CREB3L3: variants seen among roughly 807,000 people sequenced by gnomAD.
CREB3L3 encodes the protein cyclic AMP-responsive element-binding protein 3-like protein 3.
Under a neutral mutation model 44.6 loss-of-function variants are expected in CREB3L3, and 40 were observed. The observed-to-expected ratio is 0.90, with a 90% CI of 0.70 to 1.17. The LOEUF is 1.17. CREB3L3 is among the 50% of genes most tolerant of loss of function. The probability of loss-of-function intolerance (pLI) is 0.00; values close to 1 mark genes in which losing one functional copy is unlikely to be tolerated. For missense variants in CREB3L3, 578 were observed against 595.8 expected, an observed-to-expected ratio of 0.97 and a Z score of 0.31; for synonymous variants, 273 against 256.3, an observed-to-expected ratio of 1.06 and a Z score of -0.62.
intron 7 of CREB3L3, among the ~76,000 whole-genome samples, chr19:4,170,674 C>T (rs1967023749): frequency 1.3e-5 from 2 of 151,738 alleles, no homozygotes; most frequent in East Asian, 3.9e-4. Flanking sequence ...CTTTGGGAGG[C>T]TGAGGTGGGC....
intron 4 of CREB3L3, among the ~76,000 whole-genome samples, chr19:4,161,513 G>T (rs1403352585): frequency 6.6e-6 from 1 of 152,148 alleles, no homozygotes; most frequent in African/African-American, 2.4e-5. Context: ...TGATCCCTGG[G>T]ATGGTCTATT....
chr19:4,161,095 A>G (rs2041656650), intron 4 of CREB3L3, among the ~76,000 whole-genome samples: 1 of 151,804 alleles, frequency 6.6e-6, no homozygotes, highest in Non-Finnish European at 1.5e-5. Flanking sequence ...GTATCTTTTT[A>G]GTAGAGATGG....
intron 5 of CREB3L3, among the ~76,000 whole-genome samples, chr19:4,167,590 C>T (rs141887226): frequency 1.3e-4 from 20 of 151,624 alleles, no homozygotes; most frequent in African/African-American, 4.6e-4. Context: ...AAGAAAGAAA[C>T]GTAAGAAAGA....
At chr19:4,159,943 G>T (rs537755132) in intron 4 of CREB3L3, among the ~76,000 whole-genome samples, 161 bp downstream of exon 4, 1 of 152,098 alleles carries the variant, frequency 6.6e-6, no homozygotes, top group East Asian at 1.9e-4. Context: ...GCTCACTGTC[G>T]CCTGGGCTGG....
chr19:4,170,590 T>A (rs1404622517), intron 7 of CREB3L3, among the ~76,000 whole-genome samples: 1 of 145,052 alleles, frequency 6.9e-6, no homozygotes, highest in Non-Finnish European at 1.5e-5. Context: ...CCAGCCTGGG[T>A]GACAGAGCAA....
intron 7 of CREB3L3, 54 bp downstream of exon 7, chr19:4,170,262 T>G: frequency 1.3e-6 from 2 of 1,560,340 alleles, no homozygotes; most frequent in Middle Eastern, 1.7e-4. Flanking sequence ...CCAGAGTCCC[T>G]TTGCAGGAAG....
chr19:4,167,688 G>C (rs1966947505), intron 5 of CREB3L3, among the ~76,000 whole-genome samples: 1 of 152,110 alleles, frequency 6.6e-6, no homozygotes, highest in South Asian at 2.1e-4. Context: ...TGGTGGAGTG[G>C]TACCCATGCC....
rs2041537933 is a variant in CREB3L3, at chr19:4,153,724, C to T, written c.-24C>T. ...TTGGAGCAGAGACCCCCCGAGGCATCTGCAGACAGAACTGGATGGACCCAT... is the reference window on the plus strand; with the variant it reads ...TTGGAGCAGAGACCCCCCGAGGCATTTGCAGACAGAACTGGATGGACCCAT... On this transcript the variant is annotated 5_prime_UTR_variant, in exon 1 of 10. Transcript: ENST00000078445. 6.2e-7 allele frequency: 1 copy of T among 1,613,928 alleles called. No individual in the cohort carries two copies. Among genetic ancestry groups the T allele is most frequent in the African/African-American group, 1.3e-5 (1 of 74,918 alleles).
At chr19:4,154,823 C>T in intron 1 of CREB3L3, 76 bp from the exon 2 acceptor site, 1 of 1,605,898 alleles carries the variant, frequency 6.2e-7, no homozygotes, top group East Asian at 2.2e-5. Flanking sequence ...CCGGAAAGAG[C>T]CAGGGTTATG....
chr19:4,154,351 T>C (rs1380898232), intron 1 of CREB3L3, among the ~76,000 whole-genome samples: 2 of 152,016 alleles, frequency 1.3e-5, no homozygotes, highest in Non-Finnish European at 2.9e-5. Flanking sequence ...GGATTACAGA[T>C]GTGAGCCACC....
At chr19:4,165,279 C>T (rs1401153474) in intron 5 of CREB3L3, among the ~76,000 whole-genome samples, 10 of 151,744 alleles carry the variant, frequency 6.6e-5, no homozygotes, top group African/African-American at 1.9e-4. Context: ...GAGATCCTCC[C>T]GCCTCAGCCT....
chr19:4,157,194 G>A lies in CREB3L3; in HGVS notation c.356G>A (p.Gly119Asp), dbSNP rs755269545. 1.2e-6 allele frequency: 2 copies of A among 1,614,012 alleles called. No individual in the cohort carries two copies. Among genetic ancestry groups the A allele is most frequent in the Non-Finnish European group, 1.7e-6 (2 of 1,180,002 alleles). ...GCCGGCTGCCATCCTGCCCAGCCTG[G>A]CAAGGGGCCCTGCCTCTCCTATCAT... ...SPAGCHPAQP[G>D]KGPCLSYHPG... is the part of the protein sequence containing the mutation. The change falls in exon 3 of 10, where the codon GGC becomes GAC. Residue 119 changes from glycine to aspartate, a missense_variant. Coordinates refer to ENST00000078445, the MANE Select transcript of CREB3L3 (RefSeq NM_032607.3).
chr19:4,165,174 C>CT (rs377031237), intron 5 of CREB3L3, among the ~76,000 whole-genome samples: 5,935 of 143,638 alleles, frequency 0.041, 331 homozygotes, highest in African/African-American at 0.13. Context: ...GTGCAGCAAA[C>CT]TTTTTTTTTT....
chr19:4,166,555 C>T (rs1049946790), intron 5 of CREB3L3, among the ~76,000 whole-genome samples: 1 of 148,614 alleles, frequency 6.7e-6, no homozygotes, highest in Non-Finnish European at 1.5e-5. Flanking sequence ...TGAGCCACTG[C>T]GCCCAGCATT....
At chr19:4,160,112 A>G (rs2041639237) in intron 4 of CREB3L3, among the ~76,000 whole-genome samples, 1 of 151,960 alleles carries the variant, frequency 6.6e-6, no homozygotes, top group Admixed American at 6.6e-5. Flanking sequence ...CCTGGGCAAC[A>G]TGGTGAAACC....
intron 3 of CREB3L3, among the ~76,000 whole-genome samples, chr19:4,157,844 C>T (rs1410111106): frequency 6.6e-6 from 1 of 151,958 alleles, no homozygotes; most frequent in Non-Finnish European, 1.5e-5. Context: ...TGCCACCATG[C>T]CCAGCTAATA....
At chr19:4,155,443 C>T (rs1015730691) in intron 2 of CREB3L3, among the ~76,000 whole-genome samples, 2 of 151,206 alleles carry the variant, frequency 1.3e-5, no homozygotes, top group Non-Finnish European at 2.9e-5. Flanking sequence ...ACTGCAACCT[C>T]TGCCTCCCGG....
chr19:4,165,031 C>T (rs558609256), intron 5 of CREB3L3, among the ~76,000 whole-genome samples: 4 of 152,110 alleles, frequency 2.6e-5, no homozygotes, highest in East Asian at 3.9e-4. Flanking sequence ...TTAGAACACC[C>T]GTACTAGAAT....
chr19:4,156,900 G>A (rs535320058), intron 2 of CREB3L3, 95 bp from the exon 3 acceptor site: 4 of 1,317,000 alleles, frequency 3.0e-6, no homozygotes, highest in African/African-American at 2.9e-5. Flanking sequence ...GACACCTAAG[G>A]CCCAAAGAGG....
Sources: gnomAD v4.1 joint callset for allele counts (sites outside exome capture counted in the v4.1 genomes callset) on GRCh38, gnomAD v4.1.1 for gene constraint, MANE v1.5 for transcripts, NCBI Gene and HGNC (gene_info 2026-07-23, HGNC 2026-07-21) for gene names.